The following RAG1 variants were observed in gnomAD, a reference collection of about 807,000 sequenced individuals.
RAG1 encodes the protein recombination activating 1.
Under a neutral mutation model 62.7 loss-of-function variants are expected in RAG1, and 35 were observed. The ratio of observed to expected loss-of-function variants is 0.56; its 90% confidence interval spans 0.43 to 0.74. The LOEUF (loss-of-function observed/expected upper bound fraction) is 0.74. Ranked by LOEUF, RAG1 falls within the 30% of genes least tolerant of loss-of-function variation. RAG1 has a pLI of 0.00. For missense variants in RAG1, 1,169 were observed against 1,278.6 expected, an observed-to-expected ratio of 0.91 and a Z score of 1.31; for synonymous variants, 461 against 470.3, an observed-to-expected ratio of 0.98 and a Z score of 0.26.
chr11:36,560,431 A>T (rs1251333352), intron 3 of RAG1, among the ~76,000 whole-genome samples: 1 of 152,090 alleles, frequency 6.6e-6, no homozygotes, highest in Non-Finnish European at 1.5e-5. Flanking sequence ...CTGAATCTAG[A>T]TGGAGTCTTG....
intron 1 of RAG1, among the ~76,000 whole-genome samples, chr11:36,568,391 T>C (rs1590697708): frequency 6.6e-6 from 1 of 152,218 alleles, no homozygotes; most frequent in Non-Finnish European, 1.5e-5. Context: ...GCTTCTTGAA[T>C]GAATGTGTAC....
chr11:36,534,217 A>G (rs1011299686), intron 2 of RAG1, among the ~76,000 whole-genome samples: 2 of 152,228 alleles, frequency 1.3e-5, no homozygotes, highest in Admixed American at 1.3e-4. Context: ...AAATTTTTCT[A>G]CATTAATAAA....
downstream of RAG1, among the ~76,000 whole-genome samples, chr11:36,540,694 A>C (rs963674690): frequency 6.6e-6 from 1 of 152,168 alleles, no homozygotes; most frequent in Admixed American, 6.5e-5. Context: ...GCGTGAGCCA[A>C]CGCGTCTGGC....
chr11:36,524,626 A>C (rs191344131), intron 2 of RAG1, among the ~76,000 whole-genome samples: 58 of 152,018 alleles, frequency 3.8e-4, no homozygotes, highest in African/African-American at 1.2e-3. Context: ...GCAGCTGGGA[A>C]TACATGCACA....
chr11:36,565,393 G>A (rs1441280173), upstream of RAG1, among the ~76,000 whole-genome samples: 5 of 152,266 alleles, frequency 3.3e-5, no homozygotes, highest in East Asian at 7.7e-4. Context: ...TGGATGGAGA[G>A]GCAGGTGAAA....
chr11:36,575,743 A>G lies in RAG1; in HGVS notation c.2439A>G (p.Leu813=), dbSNP rs745744137. ...CTGAGTTCTACAAGATCTTCCAGCT[A>G]GAGATAGGGGAAGTGTATAAGAATC... ...NAAEFYKIFQ[L]EIGEVYKNPN... is the part of the protein sequence containing the mutation. The change falls in exon 2 of 2, where the codon CTA becomes CTG. Residue 813 remains leucine (L), a synonymous_variant. Transcript: ENST00000299440. The surrounding 1 kb of genome is among the most constrained non-coding windows in gnomAD (Gnocchi z 4.1). 6.2e-7 allele frequency: 1 copy of G among 1,614,220 alleles called. No individual in the cohort carries two copies. Among genetic ancestry groups the G allele is most frequent in the Admixed American group, 1.7e-5 (1 of 60,032 alleles).
At chr11:36,530,548 T>C (rs538945071) in intron 2 of RAG1, among the ~76,000 whole-genome samples, 1 of 152,116 alleles carries the variant, frequency 6.6e-6, no homozygotes, top group South Asian at 2.1e-4. Context: ...GTCTAATGTA[T>C]TTTTAAAATT....
intron 3 of RAG1, among the ~76,000 whole-genome samples, chr11:36,549,963 C>T: frequency 2.0e-5 from 3 of 151,978 alleles, no homozygotes; most frequent in African/African-American, 7.2e-5. Flanking sequence ...ATGTCATTTG[C>T]AGAAACATAG....
Position 36,576,152 on chromosome 11 carries a change from AT to A in RAG1, c.2850del (p.Ile950MetfsTer28), listed in dbSNP as rs2133298263. 1.9e-6 allele frequency: 3 copies of A among 1,614,102 alleles called. No individual in the cohort carries two copies. In the South Asian group the frequency reaches 3.3e-5, roughly 18 times the overall value. On this transcript the variant is annotated frameshift_variant, in exon 2 of 2. Transcript: ENST00000299440. LOFTEE classifies it high-confidence loss of function. Reference protein sequence around the residue: ...HKTLAHVPEIIERDGSIGAWA... With the variant: ...HKTLAHVPEIXERDGSIGAWA... ...AACCCTGGCCCATGTTCCTGAAATT[AT>A]TGAGAGGGATGGCTCCATTGGGGCA...
chr11:36,534,660 G>A (rs1860300492), intron 2 of RAG1, among the ~76,000 whole-genome samples: 1 of 152,216 alleles, frequency 6.6e-6, no homozygotes, highest in Admixed American at 6.5e-5. Flanking sequence ...GATGTGCAAA[G>A]TTACATTGCA....
At chr11:36,540,715 C>T (rs1029396066), downstream of RAG1, among the ~76,000 whole-genome samples, 2 of 152,144 alleles carry the variant, frequency 1.3e-5, no homozygotes, top group Non-Finnish European at 2.9e-5. Flanking sequence ...CTCTTTTCTT[C>T]GTTTTTTAAA....
Position 36,573,366 on chromosome 11 carries a change from C to T in RAG1, c.62C>T (p.Pro21Leu), listed in dbSNP as rs1451044368. 1.2e-6 allele frequency: 2 copies of T among 1,614,136 alleles called. No individual in the cohort carries two copies. Among genetic ancestry groups the T allele is most frequent in the Non-Finnish European group, 1.7e-6 (2 of 1,180,022 alleles). The change falls in exon 2 of 2, where the codon CCA (proline) becomes CTA (leucine). Residue 21 changes from proline to leucine, a missense_variant. Physicochemically the swap from Pro to Leu is moderately conservative, Grantham distance 98. Around this residue, in one of 2 missense-constraint regions of RAG1, gnomAD observed 369 missense variants for 335.3 expected, o/e 1.10. Transcript: ENST00000299440. ...TCTGCCCCAGATGAAATTCAGCACC[C>T]ACATATTAAATTTTCAGAATGGAAA... ...LSSAPDEIQH[P>L]HIKFSEWKFK...
chr11:36,536,808 G>A (rs1233520896), downstream of RAG1, among the ~76,000 whole-genome samples: 3 of 151,184 alleles, frequency 2.0e-5, no homozygotes, highest in Non-Finnish European at 4.4e-5. Flanking sequence ...GCCCAGGCTG[G>A]AGTGCAGTGG....
intron 3 of RAG1, among the ~76,000 whole-genome samples, chr11:36,544,491 G>GT (rs1850363176): frequency 6.6e-6 from 1 of 152,186 alleles, no homozygotes; most frequent in Non-Finnish European, 1.5e-5. Context: ...GACAGCCAGT[G>GT]TTAACAGGTC....
chr11:36,563,489 C>T (rs1303212024), upstream of RAG1: 1 of 152,156 alleles, frequency 6.6e-6, no homozygotes, highest in African/African-American at 2.4e-5. Context: ...ACTTCTTGAC[C>T]TCCATAATTG....
In RAG1 at chr11:36,575,826, G is replaced by A. The variant is rs748296558; in HGVS notation, c.2522G>A (p.Arg841Gln). The change falls in exon 2 of 2, where the codon CGG becomes CAG. Residue 841 changes from arginine to glutamine, a missense_variant. Physicochemically the swap from Arg to Gln is conservative, Grantham distance 43. This residue lies in a region of RAG1 where 800 missense variants were observed against 943.3 expected (regional missense o/e 0.85). Transcript: ENST00000299440. The surrounding 1 kb of genome is among the most constrained non-coding windows in gnomAD (Gnocchi z 4.1). ...RWQATLDKHLRKKMNLKPIMR... is the reference protein window; with the variant it reads ...RWQATLDKHLQKKMNLKPIMR... ...CAGGCCACACTGGACAAGCATCTCC[G>A]GAAGAAGATGAACCTCAAACCAATC... The A allele has an allele frequency of 8.7e-6, 14 of 1,614,096 alleles. No individual in the cohort carries two copies. Among genetic ancestry groups the A allele is most frequent in the South Asian group, 5.5e-5 (5 of 91,086 alleles).
chr11:36,512,655 T>C (rs909015992), intron 1 of RAG1, among the ~76,000 whole-genome samples: 1 of 152,196 alleles, frequency 6.6e-6, no homozygotes, highest in Non-Finnish European at 1.5e-5. Context: ...CCTTGCAAAC[T>C]AGGAAGTCCT....
chr11:36,565,271 A>G (rs1251446003), upstream of RAG1, among the ~76,000 whole-genome samples: 2 of 152,204 alleles, frequency 1.3e-5, no homozygotes, highest in South Asian at 2.1e-4. Context: ...GTTATCAGCA[A>G]TTGGAACTCA....
chr11:36,530,553 A>T (rs1480255762), intron 2 of RAG1, among the ~76,000 whole-genome samples: 1 of 151,906 alleles, frequency 6.6e-6, no homozygotes, highest in East Asian at 1.9e-4. Flanking sequence ...ATGTATTTTT[A>T]AAATTTCTTT....
Sources: gnomAD v4.1 joint callset for allele counts (sites outside exome capture counted in the v4.1 genomes callset) on GRCh38, gnomAD v4.1.1 for gene constraint, gnomAD v4.1.1 regional missense constraint, Gnocchi (gnomAD v3.1) non-coding constraint, MANE v1.5 for transcripts, NCBI Gene and HGNC (gene_info 2026-07-23, HGNC 2026-07-21) for gene names.